The following LOC122539214 variants were observed in gnomAD, a reference collection of about 807,000 sequenced individuals.
At chr19:52,687,486 TATAATTTATATAG>T in the LOC122539214 span, among the ~76,000 whole-genome samples, 1 of 63,274 alleles carries the variant, frequency 1.6e-5, no homozygotes, top group Non-Finnish European at 3.0e-5. Context: ...CTATATAAAT[TATAATTTATATAG>T]ATATATAAAT....
the LOC122539214 span, among the ~76,000 whole-genome samples, chr19:52,656,411 G>A: frequency 1.3e-5 from 2 of 152,084 alleles, no homozygotes; most frequent in African/African-American, 4.8e-5. Context: ...TGTAATCCCA[G>A]CTATTTGGGA....
the LOC122539214 span, among the ~76,000 whole-genome samples, chr19:52,667,243 A>G: frequency 6.7e-6 from 1 of 148,454 alleles, no homozygotes; most frequent in East Asian, 1.9e-4. Flanking sequence ...AAAAAAAAAA[A>G]GGAGGAAGGA....
the LOC122539214 span, among the ~76,000 whole-genome samples, chr19:52,673,554 T>A: frequency 6.6e-6 from 1 of 151,964 alleles, no homozygotes; most frequent in Admixed American, 6.6e-5. Flanking sequence ...AAAAAAAATA[T>A]AGAAAGTCAC....
the LOC122539214 span, among the ~76,000 whole-genome samples, chr19:52,661,028 C>T: frequency 6.6e-6 from 1 of 151,920 alleles, no homozygotes; most frequent in Admixed American, 6.6e-5. Context: ...CGATGCACAG[C>T]TAATTTTTGT....
chr19:52,680,219 A>G, the LOC122539214 span, among the ~76,000 whole-genome samples: 1 of 152,132 alleles, frequency 6.6e-6, no homozygotes, highest in Non-Finnish European at 1.5e-5. Context: ...GCAAAATCAC[A>G]AAACAGAACA....
the LOC122539214 span, among the ~76,000 whole-genome samples, chr19:52,665,655 A>T: frequency 6.6e-6 from 1 of 152,080 alleles, no homozygotes; most frequent in Non-Finnish European, 1.5e-5. Flanking sequence ...GACTCATTCC[A>T]TAATCATTTT....
chr19:52,680,891 C>T, the LOC122539214 span, among the ~76,000 whole-genome samples: 5 of 151,666 alleles, frequency 3.3e-5, no homozygotes, highest in South Asian at 2.1e-4. Flanking sequence ...GGATTACAGG[C>T]GTGAGCCACC....
At chr19:52,678,202 T>C in the LOC122539214 span, among the ~76,000 whole-genome samples, 1 of 151,844 alleles carries the variant, frequency 6.6e-6, no homozygotes, top group South Asian at 2.1e-4. Context: ...CCTGTAATCC[T>C]AGCACTTTGG....
the LOC122539214 span, among the ~76,000 whole-genome samples, chr19:52,680,829 G>T: frequency 1.3e-5 from 2 of 149,902 alleles, no homozygotes; most frequent in African/African-American, 4.9e-5. Flanking sequence ...AGCCAGGATG[G>T]TCTCGATCTC....
chr19:52,685,907 A>C, the LOC122539214 span, among the ~76,000 whole-genome samples: 2 of 40,430 alleles, frequency 4.9e-5, no homozygotes, highest in African/African-American at 1.4e-4. Flanking sequence ...CAAAAAAAAA[A>C]AAAAAAAAAA....
At chr19:52,673,395 C>T in the LOC122539214 span, among the ~76,000 whole-genome samples, 1 of 152,124 alleles carries the variant, frequency 6.6e-6, no homozygotes, top group Middle Eastern at 3.4e-3. Context: ...CTCAGATATT[C>T]AGGAGGCTGT....
At chr19:52,666,483 C>A in the LOC122539214 span, among the ~76,000 whole-genome samples, 2 of 152,036 alleles carry the variant, frequency 1.3e-5, no homozygotes, top group South Asian at 4.1e-4. Flanking sequence ...AAATCCTTAA[C>A]CCAGTAAACC....
the LOC122539214 span, among the ~76,000 whole-genome samples, chr19:52,668,394 T>G: frequency 3.9e-5 from 6 of 152,298 alleles, no homozygotes; most frequent in East Asian, 5.8e-4. Context: ...TATCTATCTT[T>G]TCCTTTCCTT....
the LOC122539214 span, chr19:52,655,704 A>AT: frequency 1.0e-6 from 1 of 965,994 alleles, no homozygotes; most frequent in Non-Finnish European, 1.6e-6. Context: ...TTAAACACAC[A>AT]TTTCAACAAA....
At chr19:52,679,573 T>G in the LOC122539214 span, among the ~76,000 whole-genome samples, 2 of 152,150 alleles carry the variant, frequency 1.3e-5, no homozygotes, top group African/African-American at 4.8e-5. Flanking sequence ...ATTGCACCAC[T>G]GCACTCCAGC....
At chr19:52,654,090 G>A in the LOC122539214 span, 196 of 1,601,760 alleles carry the variant, frequency 1.2e-4, no homozygotes, top group Middle Eastern at 8.3e-4. Flanking sequence ...TCTGAAATTC[G>A]TGCAGTTCAG....
At chr19:52,686,199 A>G in the LOC122539214 span, among the ~76,000 whole-genome samples, 1 of 152,138 alleles carries the variant, frequency 6.6e-6, no homozygotes, top group Non-Finnish European at 1.5e-5. Flanking sequence ...AATAAATAAT[A>G]AAAACTAGAA....
the LOC122539214 span, chr19:52,654,258 G>A: frequency 1.9e-6 from 3 of 1,560,588 alleles, no homozygotes; most frequent in Non-Finnish European, 2.6e-6. Context: ...GAAACTCAAA[G>A]TCATGAATAT....
chr19:52,680,682 G>C, the LOC122539214 span, among the ~76,000 whole-genome samples: 11 of 130,176 alleles, frequency 8.5e-5, no homozygotes, highest in South Asian at 2.4e-4. Context: ...GCGCGATCTC[G>C]GCTCACTGCA....
Sources: allele counts gnomAD v4.1 joint callset (sites outside exome capture counted in the v4.1 genomes callset), GRCh38; gene constraint gnomAD v4.1.1; transcripts MANE v1.5.